CCBE1: variants seen among roughly 807,000 people sequenced by gnomAD.
CCBE1 encodes collagen and calcium-binding EGF domain-containing protein 1.
CCBE1 carries 37 observed loss-of-function variants against 50.0 expected under a neutral mutation model. The observed-to-expected ratio is 0.74, with a 90% CI of 0.57 to 0.97. The LOEUF is 0.97. Among genes scored for constraint, CCBE1 ranks in the 50% least tolerant of loss-of-function variants. CCBE1 has a pLI of 0.00. For missense variants in CCBE1, 538 were observed against 523.8 expected (o/e 1.03, Z -0.26); for synonymous variants, 234 against 203.7 (o/e 1.15, Z -1.27).
intron 2 of CCBE1, among the ~76,000 whole-genome samples, chr18:59,524,059 G>C (rs890797940): frequency 6.6e-6 from 1 of 152,162 alleles, no homozygotes; most frequent in Admixed American, 6.5e-5. Flanking sequence ...ATTGTCTCAC[G>C]CCTGTAATCC....
At chr18:59,621,020 A>G (rs968329919) in intron 2 of CCBE1, among the ~76,000 whole-genome samples, 10 of 152,224 alleles carry the variant, frequency 6.6e-5, no homozygotes, top group African/African-American at 2.4e-4. Context: ...ACAGAGTTCA[A>G]CTTGGCATGT....
intron 2 of CCBE1, among the ~76,000 whole-genome samples, chr18:59,654,026 ATCAT>A (rs1348227114): frequency 1.3e-5 from 2 of 152,254 alleles, no homozygotes; most frequent in Non-Finnish European, 2.9e-5. Flanking sequence ...AGAAAGAAGC[ATCAT>A]TCAATGTTTT....
chr18:59,666,908 T>A (rs1164549816), intron 2 of CCBE1, among the ~76,000 whole-genome samples: 1 of 152,124 alleles, frequency 6.6e-6, no homozygotes, highest in African/African-American at 2.4e-5. Context: ...GAGGTTGCAG[T>A]GAGCAAAGAT....
chr18:59,463,597 G>T (rs565881582), intron 5 of CCBE1, among the ~76,000 whole-genome samples: 1 of 152,132 alleles, frequency 6.6e-6, no homozygotes, highest in Non-Finnish European at 1.5e-5. Flanking sequence ...ATTCCATCCC[G>T]CTTCTCTGGT....
At chr18:59,674,893 C>T (rs1461386156) in intron 2 of CCBE1, among the ~76,000 whole-genome samples, 1 of 152,174 alleles carries the variant, frequency 6.6e-6, no homozygotes, top group Non-Finnish European at 1.5e-5. Flanking sequence ...TAATAAATAA[C>T]AATAACATTT....
At chr18:59,681,452 G>A (rs2054587163) in intron 2 of CCBE1, among the ~76,000 whole-genome samples, 1 of 152,184 alleles carries the variant, frequency 6.6e-6, no homozygotes, top group South Asian at 2.1e-4. Context: ...TTATTAGCAG[G>A]AGTCTGCCCA....
At chr18:59,490,117 G>A (rs1461190056) in intron 2 of CCBE1, among the ~76,000 whole-genome samples, 1 of 151,534 alleles carries the variant, frequency 6.6e-6, no homozygotes, top group African/African-American at 2.4e-5. Flanking sequence ...CTCCTGGGTA[G>A]CTGGGATTAC....
chr18:59,589,266 A>G (rs1339137723), intron 2 of CCBE1, among the ~76,000 whole-genome samples: 1 of 152,234 alleles, frequency 6.6e-6, no homozygotes, highest in Non-Finnish European at 1.5e-5. Flanking sequence ...TATGGGCCAC[A>G]TTAGTGATAG....
rs145360390 is a variant in CCBE1 at position 59,436,642 on chromosome 18, G to C, written c.988-501C>G. On this transcript the variant is annotated intron_variant, in intron 10 of 10. Coordinates refer to ENST00000439986, the MANE Select transcript of CCBE1 (RefSeq NM_133459.4). ...AGTGAGGATTTAAGCAAGTAAATAC[G>C]TGTAAAGGGCTTTGAGCATAATACG... Among the ~76,000 whole-genome samples, 809 of 152,326 alleles carry C rather than the reference G, an allele frequency of 5.3e-3. 5 individuals are homozygous for C. Among genetic ancestry groups the C allele is most frequent in the African/African-American group, 0.018 (768 of 41,562 alleles).
At chr18:59,618,732 A>G (rs2053671471) in intron 2 of CCBE1, among the ~76,000 whole-genome samples, 1 of 152,124 alleles carries the variant, frequency 6.6e-6, no homozygotes, top group Admixed American at 6.5e-5. Flanking sequence ...CCGGCCTAGA[A>G]AAGTTTCTTT....
intron 2 of CCBE1, among the ~76,000 whole-genome samples, chr18:59,580,057 T>C (rs2053059431): frequency 6.6e-6 from 1 of 151,976 alleles, no homozygotes; most frequent in Non-Finnish European, 1.5e-5. Flanking sequence ...AAAGTTTGGG[T>C]CTAAGGGTAA....
intron 2 of CCBE1, among the ~76,000 whole-genome samples, chr18:59,635,503 T>A (rs1214980229): frequency 6.6e-6 from 1 of 151,644 alleles, no homozygotes; most frequent in Non-Finnish European, 1.5e-5. Flanking sequence ...AAAATCTAAT[T>A]TCCGGGAATT....
At chr18:59,582,917 A>G (rs1195675197) in intron 2 of CCBE1, among the ~76,000 whole-genome samples, 1 of 152,070 alleles carries the variant, frequency 6.6e-6, no homozygotes, top group South Asian at 2.1e-4. Flanking sequence ...GGCTCGAGCA[A>G]TCCTTCCACC....
intron 2 of CCBE1, among the ~76,000 whole-genome samples, chr18:59,529,363 G>C (rs1441228380): frequency 6.6e-6 from 1 of 152,182 alleles, no homozygotes; most frequent in Admixed American, 6.5e-5. Flanking sequence ...GCCTTAGGCA[G>C]CAGGCAGTCG....
chr18:59,674,856 C>T, intron 2 of CCBE1, among the ~76,000 whole-genome samples: 1 of 152,076 alleles, frequency 6.6e-6, no homozygotes, highest in East Asian at 1.9e-4. Flanking sequence ...TTCAAATTTA[C>T]AATAGAAGTT....
At chr18:59,576,057 C>A (rs916601891) in intron 2 of CCBE1, among the ~76,000 whole-genome samples, 1 of 152,196 alleles carries the variant, frequency 6.6e-6, no homozygotes, top group African/African-American at 2.4e-5. Flanking sequence ...CACTTGGCAT[C>A]ATGTATTTAA....
intron 2 of CCBE1, among the ~76,000 whole-genome samples, chr18:59,597,616 A>G (rs2053372592): frequency 6.6e-6 from 1 of 152,166 alleles, no homozygotes; most frequent in Non-Finnish European, 1.5e-5. Context: ...AAAACGGGGA[A>G]AAGTAGCAGT....
intron 2 of CCBE1, chr18:59,666,311 G>T (rs530767392): frequency 6.6e-6 from 1 of 152,154 alleles, no homozygotes; most frequent in Non-Finnish European, 1.5e-5. Context: ...GGAATTGTGG[G>T]AGTTACAATT....
intron 2 of CCBE1, among the ~76,000 whole-genome samples, chr18:59,615,561 G>C (rs1162392237): frequency 6.6e-6 from 1 of 151,272 alleles, no homozygotes; most frequent in Non-Finnish European, 1.5e-5. Flanking sequence ...TATATATTTT[G>C]ATCACACTAT....
Sources: allele counts gnomAD v4.1 joint callset (sites outside exome capture counted in the v4.1 genomes callset), GRCh38; gene constraint gnomAD v4.1.1; transcripts MANE v1.5; gene names NCBI Gene and HGNC (gene_info 2026-07-23, HGNC 2026-07-21).